PLS3: variants seen among roughly 807,000 people sequenced by gnomAD.
PLS3 encodes plastin 3.
PLS3 carries 11 observed loss-of-function variants against 46.5 expected under a neutral mutation model. That is an observed-to-expected ratio of 0.24 (90% CI 0.15 to 0.39). The LOEUF (loss-of-function observed/expected upper bound fraction) is 0.39. PLS3 is among the 10% of genes least tolerant of loss of function. PLS3 has a pLI of 1.00. For synonymous variants in PLS3, 167 were observed against 162.2 expected (o/e 1.03, Z -0.22); for missense variants, 308 against 461.8 (o/e 0.67, Z 3.05).
At chrX:115,637,436 T>C (rs1471491324) in intron 8 of PLS3, among the ~76,000 whole-genome samples, 2 of 111,798 alleles carry the variant, frequency 1.8e-5, no homozygotes, top group Non-Finnish European at 1.9e-5. Flanking sequence ...TGAGCTCTTA[T>C]TTATGTCTGT....
At chrX:115,639,426 G>C (rs1556640694) in intron 8 of PLS3, among the ~76,000 whole-genome samples, 1 of 111,937 alleles carries the variant, frequency 8.9e-6, no homozygotes, top group Non-Finnish European at 1.9e-5. Context: ...GCAGCTCCCA[G>C]ACATTTATAT....
chrX:115,621,587 C>T (rs1413583323), intron 2 of PLS3, among the ~76,000 whole-genome samples: 1 of 110,586 alleles, frequency 9.0e-6, no homozygotes, highest in African/African-American at 3.3e-5. Flanking sequence ...TCAGAATAAA[C>T]ATCATTCATT....
At chrX:115,571,131 T>A (rs782641806) in intron 1 of PLS3, among the ~76,000 whole-genome samples, 2 of 110,876 alleles carry the variant, frequency 1.8e-5, no homozygotes, top group South Asian at 7.7e-4. Context: ...CCTAACCTCA[T>A]GACCACCCAC....
chrX:115,568,564 CATTT>C (rs1214407062), intron 1 of PLS3, among the ~76,000 whole-genome samples: 2 of 111,480 alleles, frequency 1.8e-5, no homozygotes, highest in African/African-American at 6.5e-5. Flanking sequence ...AGTTGTTGAA[CATTT>C]GTTTCCATAT....
intron 2 of PLS3, among the ~76,000 whole-genome samples, chrX:115,611,177 A>G (rs2074544877): frequency 8.9e-6 from 1 of 112,530 alleles, no homozygotes; most frequent in Non-Finnish European, 1.9e-5. Flanking sequence ...GAGGAAATAT[A>G]CATTTCTGTT....
chrX:115,615,258 T>C (rs2074585762), intron 2 of PLS3, among the ~76,000 whole-genome samples: 1 of 110,756 alleles, frequency 9.0e-6, no homozygotes, highest in South Asian at 3.9e-4. Flanking sequence ...TAAAATAGCT[T>C]AAATAACAGG....
chrX:115,633,125 A>G (rs781979382), intron 5 of PLS3, among the ~76,000 whole-genome samples: 56 of 110,385 alleles, frequency 5.1e-4, no homozygotes, highest in Non-Finnish European at 7.6e-4. Context: ...GCATGCTACA[A>G]TCCTCTGCTC....
intron 2 of PLS3, among the ~76,000 whole-genome samples, chrX:115,621,396 T>C (rs2074653929): frequency 8.9e-6 from 1 of 112,289 alleles, no homozygotes; most frequent in South Asian, 3.7e-4. Flanking sequence ...TAATTAAGTT[T>C]ACATATGAAA....
chrX:115,580,826 T>TA (rs1230585424), intron 1 of PLS3, among the ~76,000 whole-genome samples: 2 of 112,538 alleles, frequency 1.8e-5, no homozygotes, highest in Non-Finnish European at 3.7e-5. Flanking sequence ...CGCTAGTTCT[T>TA]ATTTTCTGAA....
At chrX:115,630,873 A>G (rs1172177653) in intron 5 of PLS3, among the ~76,000 whole-genome samples, 2 of 95,442 alleles carry the variant, frequency 2.1e-5, no homozygotes, top group Non-Finnish European at 4.0e-5. Flanking sequence ...ATACATGTAT[A>G]TATGTATATA....
chrX:115,650,321 T>G lies in PLS3; in HGVS notation c.*760T>G, dbSNP rs1556642348. The G allele has an allele frequency of 8.9e-6, 1 of 112,137 alleles. No individual in the cohort carries two copies. The highest frequency in any genetic ancestry group is 1.9e-5 in the Non-Finnish European group (1 of 53,242). The allele number at this position is 112,137 out of a possible 1,213,427, so 9.2% of individuals were successfully genotyped here. ...CTGTAAACAATTGAAATATTTTGTC[T>G]TAAATCACTTGGTTCAATACATGCT... On this transcript the variant is annotated 3_prime_UTR_variant, in exon 16 of 16. Transcript: ENST00000355899.
At chrX:115,628,158 C>A (rs782690508) in intron 3 of PLS3, among the ~76,000 whole-genome samples, 13 of 112,309 alleles carry the variant, frequency 1.2e-4, no homozygotes, top group African/African-American at 3.9e-4. Flanking sequence ...TCTGCTTCTG[C>A]TCGTGCCTGC....
intron 2 of PLS3, among the ~76,000 whole-genome samples, chrX:115,614,845 T>C (rs1397042254): frequency 8.9e-6 from 1 of 112,134 alleles, no homozygotes; most frequent in African/African-American, 3.2e-5. Flanking sequence ...AATTGAACTT[T>C]TAAATCCAGC....
At position 115,632,030 on chromosome X, in the gene PLS3, C is replaced by G. The variant is rs376486629; in HGVS notation, c.501-1970C>G. On this transcript the variant is annotated intron_variant, in intron 5 of 15. Transcript: ENST00000355899. Reference sequence around the variant, plus strand: ...TGTTGGCTAGGCTGGTCTCGAACTCCTGACCTCAAGTGATCCTCCTGCCTC... The same window carrying G: ...TGTTGGCTAGGCTGGTCTCGAACTCGTGACCTCAAGTGATCCTCCTGCCTC... 6.1e-4 allele frequency among the ~76,000 whole-genome samples: 67 copies of G among 110,372 alleles called. 1 individual carries two copies. The East Asian group carries it at 0.018, about 30-fold the overall frequency.
chrX:115,576,535 C>A (rs1556631226), intron 1 of PLS3, among the ~76,000 whole-genome samples: 1 of 111,777 alleles, frequency 8.9e-6, no homozygotes, highest in African/African-American at 3.3e-5. Context: ...TGAGAGAGAT[C>A]CTGTCTCAAA....
chrX:115,582,099 A>G (rs1250115680), intron 1 of PLS3, among the ~76,000 whole-genome samples: 2 of 112,258 alleles, frequency 1.8e-5, no homozygotes, highest in Non-Finnish European at 3.8e-5. Context: ...TGTATTTTTA[A>G]ATTTATTTTG....
At chrX:115,598,984 A>T (rs1016188959) in intron 1 of PLS3, among the ~76,000 whole-genome samples, 13 of 111,717 alleles carry the variant, frequency 1.2e-4, no homozygotes, top group African/African-American at 4.2e-4. Flanking sequence ...ATTTTAGTTC[A>T]AGGCTTAAGT....
intron 2 of PLS3, among the ~76,000 whole-genome samples, chrX:115,615,523 G>GAGAC (rs1556636682): frequency 1.9e-5 from 2 of 105,851 alleles, no homozygotes; most frequent in Admixed American, 1.0e-4. Flanking sequence ...GAGAGAGAGA[G>GAGAC]AGAGAGAAAG....
intron 2 of PLS3, among the ~76,000 whole-genome samples, chrX:115,612,946 A>C (rs782173430): frequency 9.5e-4 from 106 of 112,142 alleles, no homozygotes; most frequent in African/African-American, 3.3e-3. Flanking sequence ...TAAATGCTGT[A>C]ATACATAACT....
Sources: gnomAD v4.1 joint callset for allele counts (sites outside exome capture counted in the v4.1 genomes callset) on GRCh38, gnomAD v4.1.1 for gene constraint, MANE v1.5 for transcripts, NCBI Gene and HGNC (gene_info 2026-07-23, HGNC 2026-07-21) for gene names.